RAD54L2: variants seen among roughly 807,000 people sequenced by gnomAD.
RAD54L2 encodes the protein helicase ARIP4.
RAD54L2 carries 27 observed loss-of-function variants against 138.4 expected under a neutral mutation model. That is an observed-to-expected ratio of 0.20 (90% CI 0.14 to 0.27). The LOEUF is 0.27. Ranked by LOEUF, RAD54L2 falls within the 10% of genes least tolerant of loss-of-function variation. The pLI, the probability that RAD54L2 is intolerant of heterozygous loss-of-function variation, is 1.00. For missense variants in RAD54L2, 1,396 were observed against 1,890.2 expected, an observed-to-expected ratio of 0.74 and a Z score of 4.85; for synonymous variants, 644 against 723.2, an observed-to-expected ratio of 0.89 and a Z score of 1.76.
At chr3:51,559,264 C>T (rs1366692695) in intron 2 of RAD54L2, among the ~76,000 whole-genome samples, 1 of 152,148 alleles carries the variant, frequency 6.6e-6, no homozygotes, top group Non-Finnish European at 1.5e-5. Context: ...CTGATATTCT[C>T]CCCAGGTTAT....
At chr3:51,572,713 A>G (rs1699364256) in intron 2 of RAD54L2, among the ~76,000 whole-genome samples, 1 of 144,836 alleles carries the variant, frequency 6.9e-6, no homozygotes, top group South Asian at 2.2e-4. Context: ...ATCTCGGCTC[A>G]CTGCAACCTC....
chr3:51,591,276 C>T (rs1699833733), intron 3 of RAD54L2, among the ~76,000 whole-genome samples: 1 of 152,152 alleles, frequency 6.6e-6, no homozygotes, highest in African/African-American at 2.4e-5. Flanking sequence ...TCAATTAATT[C>T]CAGCCTTTTA....
intron 3 of RAD54L2, among the ~76,000 whole-genome samples, chr3:51,591,210 A>G (rs1038218004): frequency 6.6e-6 from 1 of 152,118 alleles, no homozygotes; most frequent in Non-Finnish European, 1.5e-5. Flanking sequence ...TTGAAATGGC[A>G]TTGAACTTTT....
At chr3:51,661,035 C>A (rs1392009296) in intron 22 of RAD54L2, among the ~76,000 whole-genome samples, 1 of 152,092 alleles carries the variant, frequency 6.6e-6, no homozygotes, top group Non-Finnish European at 1.5e-5. Flanking sequence ...CTCACTGCAA[C>A]CTCCGCCTCC....
chr3:51,576,237 G>C (rs1258352583), intron 2 of RAD54L2, among the ~76,000 whole-genome samples: 2 of 152,196 alleles, frequency 1.3e-5, no homozygotes, highest in Non-Finnish European at 2.9e-5. Context: ...TGTGCTGCTG[G>C]ATTCGGTTTG....
At chr3:51,619,816 T>G (rs1474261741) in intron 3 of RAD54L2, among the ~76,000 whole-genome samples, 1 of 152,212 alleles carries the variant, frequency 6.6e-6, no homozygotes, top group Non-Finnish European at 1.5e-5. Flanking sequence ...CTATCTACAT[T>G]GCTCTTGACT....
At chr3:51,573,661 G>T (rs1435899565) in intron 2 of RAD54L2, among the ~76,000 whole-genome samples, 1 of 152,052 alleles carries the variant, frequency 6.6e-6, no homozygotes, top group Non-Finnish European at 1.5e-5. Context: ...GTAGAGATGG[G>T]GTTTTGCCAT....
chr3:51,668,576 AAAG>A lies in RAD54L2; in HGVS notation c.*5157_*5159del, dbSNP rs1489723106. On this transcript the variant is annotated 3_prime_UTR_variant, in exon 23 of 23. Transcript: ENST00000684192. The stretch of plus-strand genomic sequence containing the variant: ...GTGTTTCATGTCACTTTTTTAAAAA[AAAG>A]CAAACAGAACAATTGTAAGTCAGTA... The A allele has an allele frequency of 6.6e-6, 1 of 152,262 alleles. No individual in the cohort carries two copies. Among genetic ancestry groups the A allele is most frequent in the Non-Finnish European group, 1.5e-5 (1 of 68,048 alleles). The allele number at this position is 152,262 out of a possible 1,614,324, so 9.4% of individuals were successfully genotyped here.
chr3:51,622,923 C>G (rs1414249377), intron 3 of RAD54L2, among the ~76,000 whole-genome samples: 1 of 152,256 alleles, frequency 6.6e-6, no homozygotes, highest in Non-Finnish European at 1.5e-5. Context: ...CCAGGTCTCG[C>G]TCTTCCCAAG....
In RAD54L2 at chr3:51,586,651, C is replaced by T. The variant is rs929011597; in HGVS notation, c.-54-3716C>T. Among the ~76,000 whole-genome samples, 4 of 150,222 alleles carry T rather than the reference C, an allele frequency of 2.7e-5. No homozygotes were observed. In the East Asian group the frequency reaches 5.9e-4, roughly 22 times the overall value. Reference sequence around the variant, plus strand: ...TGGTGGGATCTCAGCTCACTGGAATCTCCACCTCCTGGGTTCAGGCGATTC... The same window carrying T: ...TGGTGGGATCTCAGCTCACTGGAATTTCCACCTCCTGGGTTCAGGCGATTC... On this transcript the variant is annotated intron_variant, in intron 2 of 22. Coordinates refer to ENST00000684192, the MANE Select transcript of RAD54L2 (RefSeq NM_015106.4).
intron 4 of RAD54L2, among the ~76,000 whole-genome samples, chr3:51,628,082 A>G (rs1003939551): frequency 2.6e-5 from 4 of 152,128 alleles, no homozygotes. Context: ...TTTTGTCTCA[A>G]AACAAGAGGA....
At position 51,590,292 on chromosome 3, in the gene RAD54L2, G is replaced by A. The variant is rs919429714; in HGVS notation, c.-54-75G>A. 34 of 1,143,706 alleles carry A rather than the reference G, an allele frequency of 3.0e-5. No homozygotes were observed. In the African/African-American group the frequency reaches 5.2e-4, roughly 18 times the overall value. 70.8% of individuals were successfully genotyped at this position (1,143,706 alleles called of 1,614,324 possible). A position where few individuals can be genotyped will look rare whatever the true frequency, so the allele number is the denominator to read the frequency against. On this transcript the variant is annotated intron_variant, in intron 2 of 22. Coordinates refer to ENST00000684192, the MANE Select transcript of RAD54L2 (RefSeq NM_015106.4). ...AGGCATGAGCCACTGTGCCCAGCTA[G>A]CATTTTTTTCTTTGAAAGACTTGTG...
At position 51,635,583 on chromosome 3, in the gene RAD54L2, C is replaced by T; in HGVS notation, c.1143-10C>T. On this transcript the variant is annotated splice_polypyrimidine_tract_variant and intron_variant, in intron 9 of 22. Coordinates refer to ENST00000684192, the MANE Select transcript of RAD54L2 (RefSeq NM_015106.4). ...CACATCTCACACAATTTTCTCTGTT[C>T]ATCTTGCAGGACGATGGCATCTCGT... The T allele has an allele frequency of 1.3e-6, 2 of 1,588,302 alleles. No individual in the cohort carries two copies. The highest frequency in any genetic ancestry group is 1.7e-4 in the Middle Eastern group (1 of 5,936).
rs1701278349 is a variant in RAD54L2, at chr3:51,646,339, A to G, written c.2884A>G (p.Lys962Glu). Residue 962 changes from lysine (K) to glutamate (E), a missense_variant, in exon 19 of 23, where the codon AAG becomes GAG. Physicochemically the swap from Lys to Glu is moderately conservative, Grantham distance 56. Coordinates refer to ENST00000684192, the MANE Select transcript of RAD54L2 (RefSeq NM_015106.4). ...LLNRKDHKLT[K>E]AEKKAAKKSY... is the part of the protein sequence containing the mutation. ...GAACCGAAAGGATCACAAGCTAACC[A>G]AGGCTGAGAAAAAAGCAGCAAAGAA... 1.2e-6 allele frequency: 2 copies of G among 1,609,198 alleles called. No homozygotes were observed. Among genetic ancestry groups the G allele is most frequent in the Non-Finnish European group, 1.7e-6 (2 of 1,177,834 alleles).
chr3:51,568,580 T>TA (rs1470019033), intron 2 of RAD54L2, among the ~76,000 whole-genome samples: 1 of 152,146 alleles, frequency 6.6e-6, no homozygotes, highest in African/African-American at 2.4e-5. Context: ...TGCCAACTGT[T>TA]ATAGGTTGAC....
rs116883511 is a variant in RAD54L2, at chr3:51,597,708, G to A, written c.139+7149G>A. ...CTGGGTATGGTGGCCCATGTCTGTAGTCTCAGCTACTTGGGAGGCTGAAGA... is the reference window on the plus strand; with the variant it reads ...CTGGGTATGGTGGCCCATGTCTGTAATCTCAGCTACTTGGGAGGCTGAAGA... On this transcript the variant is annotated intron_variant, in intron 3 of 22. Coordinates refer to ENST00000684192, the MANE Select transcript of RAD54L2 (RefSeq NM_015106.4). Among the ~76,000 whole-genome samples the A allele has an allele frequency of 7.3e-3, 1,115 of 152,064 alleles. 121 individuals carry two copies. In the East Asian group the frequency reaches 0.19, roughly 26 times the overall value.
intron 19 of RAD54L2, among the ~76,000 whole-genome samples, chr3:51,647,386 G>C (rs1701307547): frequency 6.6e-6 from 1 of 151,952 alleles, no homozygotes. Flanking sequence ...AAACTTTTTT[G>C]GCTGGGCACA....
chr3:51,616,842 G>A (rs747717560), intron 3 of RAD54L2, among the ~76,000 whole-genome samples: 1 of 151,914 alleles, frequency 6.6e-6, no homozygotes, highest in African/African-American at 2.4e-5. Flanking sequence ...GAAAAGAAAA[G>A]AAAAGAAAAG....
In RAD54L2 at chr3:51,629,427, A is replaced by G. The variant is rs893935377; in HGVS notation, c.435A>G (p.Lys145=). The part of the protein sequence containing the change: ...ERRKRLEQQR[K]DYAAPIPTVP... The stretch of plus-strand genomic sequence containing the variant: ...GGAAGCGCCTGGAGCAGCAGAGGAA[A>G]GATTATGCAGCCCCTATTCCTACTG... The change falls in exon 5 of 23, where the codon AAA becomes AAG. Residue 145 remains lysine, a synonymous_variant. Transcript: ENST00000684192. 3 of 1,612,042 alleles carry G rather than the reference A, an allele frequency of 1.9e-6. No homozygotes were observed. The African/African-American group carries it at 4.0e-5, about 22-fold the overall frequency.
Sources: allele counts gnomAD v4.1 joint callset (sites outside exome capture counted in the v4.1 genomes callset), GRCh38; gene constraint gnomAD v4.1.1; transcripts MANE v1.5; gene names NCBI Gene and HGNC (gene_info 2026-07-23, HGNC 2026-07-21).